PDZRN3: variants seen among roughly 807,000 people sequenced by gnomAD.
PDZRN3 encodes the protein E3 ubiquitin-protein ligase PDZRN3.
In PDZRN3, 38 loss-of-function variants were observed where a neutral mutation model predicts 85.7. The observed-to-expected ratio is 0.44, with a 90% CI of 0.34 to 0.58. PDZRN3 has a LOEUF of 0.58. Ranked by LOEUF, PDZRN3 falls within the 20% of genes least tolerant of loss-of-function variation. The pLI is 0.01. For missense variants in PDZRN3, 1,629 were observed against 1,506.4 expected (o/e 1.08, Z -1.35); for synonymous variants, 759 against 638.0 (o/e 1.19, Z -2.86).
At chr3:73,480,205 C>T (rs1361301222) in intron 3 of PDZRN3, among the ~76,000 whole-genome samples, 1 of 152,204 alleles carries the variant, frequency 6.6e-6, no homozygotes, top group African/African-American at 2.4e-5. Flanking sequence ...GCATGAAGGC[C>T]AGCCTGGCTG....
chr3:73,524,836 G>A (rs890270523), intron 3 of PDZRN3, among the ~76,000 whole-genome samples: 1 of 151,402 alleles, frequency 6.6e-6, no homozygotes, highest in Admixed American at 6.6e-5. Flanking sequence ...TGTGTCTCAG[G>A]AGGTGAAACA....
At chr3:73,512,012 T>A (rs747498112) in intron 3 of PDZRN3, among the ~76,000 whole-genome samples, 1 of 152,254 alleles carries the variant, frequency 6.6e-6, no homozygotes, top group African/African-American at 2.4e-5. Flanking sequence ...CTTGCAGAAG[T>A]TAACGCGCTC....
chr3:73,453,959 T>G (rs559836852), intron 3 of PDZRN3, among the ~76,000 whole-genome samples: 2 of 152,336 alleles, frequency 1.3e-5, no homozygotes, highest in Admixed American at 1.3e-4. Context: ...TAGCATGTTT[T>G]AAATCAACAA....
chr3:73,561,448 C>A (rs1701812548), intron 3 of PDZRN3: 1 of 152,210 alleles, frequency 6.6e-6, no homozygotes. Flanking sequence ...TTAATATACT[C>A]ACCAGGGAAA....
intron 3 of PDZRN3, among the ~76,000 whole-genome samples, chr3:73,459,150 G>A (rs967169847): frequency 1.3e-5 from 2 of 152,042 alleles, no homozygotes; most frequent in Non-Finnish European, 2.9e-5. Context: ...AAGGGAAAAT[G>A]CCAGTTGCTT....
At chr3:73,499,108 T>G (rs1269199645) in intron 3 of PDZRN3, among the ~76,000 whole-genome samples, 1 of 152,146 alleles carries the variant, frequency 6.6e-6, no homozygotes, top group Non-Finnish European at 1.5e-5. Flanking sequence ...CGGCTGGTTC[T>G]TATGCTCCGT....
At chr3:73,494,558 T>C (rs1259303017) in intron 3 of PDZRN3, among the ~76,000 whole-genome samples, 1 of 152,254 alleles carries the variant, frequency 6.6e-6, no homozygotes. Context: ...AAGAGAAATG[T>C]TCATAACTTA....
chr3:73,495,258 G>T (rs1026469575), intron 3 of PDZRN3, among the ~76,000 whole-genome samples: 2 of 151,844 alleles, frequency 1.3e-5, no homozygotes, highest in Non-Finnish European at 2.9e-5. Flanking sequence ...CTTTTTAAAA[G>T]AATTTTTAAT....
chr3:73,446,135 A>G (rs910509088), intron 3 of PDZRN3, among the ~76,000 whole-genome samples: 10 of 152,234 alleles, frequency 6.6e-5, no homozygotes, highest in Non-Finnish European at 1.5e-4. Flanking sequence ...GAAATGGGGA[A>G]CATTAACAGC....
chr3:73,414,414 G>C (rs1702035174), intron 3 of PDZRN3, among the ~76,000 whole-genome samples: 1 of 152,156 alleles, frequency 6.6e-6, no homozygotes, highest in South Asian at 2.1e-4. Context: ...ACAAAGAGTG[G>C]TTTGGCATCT....
In PDZRN3 at chr3:73,557,127, G is replaced by A. The variant is rs12489139; in HGVS notation, c.918+45227C>T. On this transcript the variant is annotated intron_variant, in intron 3 of 9. Coordinates refer to ENST00000263666, the MANE Select transcript of PDZRN3 (RefSeq NM_015009.3). ...GATCCTGCACAGAACTTGGTCAAAG[G>A]CTCTTTCCCCTTTCACCCTGTCCTC... 5.9e-4 allele frequency among the ~76,000 whole-genome samples: 90 copies of A among 152,084 alleles called. 1 individual carries two copies. The highest frequency in any genetic ancestry group is 5.0e-3 in the Admixed American group (76 of 15,276).
At chr3:73,527,730 T>C (rs1008524043) in intron 3 of PDZRN3, among the ~76,000 whole-genome samples, 6 of 152,192 alleles carry the variant, frequency 3.9e-5, no homozygotes, top group Non-Finnish European at 5.9e-5. Context: ...CTCCTAATAG[T>C]AGAAAGACTC....
At chr3:73,571,374 T>C (rs914797752) in intron 3 of PDZRN3, among the ~76,000 whole-genome samples, 3 of 152,044 alleles carry the variant, frequency 2.0e-5, no homozygotes, top group African/African-American at 7.3e-5. Context: ...CAAAAACAGA[T>C]AGCGTCAACC....
intron 3 of PDZRN3, among the ~76,000 whole-genome samples, chr3:73,511,811 C>T (rs1436094358): frequency 2.0e-5 from 3 of 152,212 alleles, no homozygotes; most frequent in Admixed American, 2.0e-4. Context: ...GGAAGTAGGG[C>T]CTTTCAGGCT....
chr3:73,422,289 G>C (rs1373985265), intron 3 of PDZRN3, among the ~76,000 whole-genome samples: 3 of 152,264 alleles, frequency 2.0e-5, no homozygotes, highest in Admixed American at 1.3e-4. Flanking sequence ...TCTTGTCTCT[G>C]CAACTTACCA....
chr3:73,569,787 G>A (rs571018536), intron 3 of PDZRN3, among the ~76,000 whole-genome samples: 223 of 152,348 alleles, frequency 1.5e-3, no homozygotes, highest in African/African-American at 4.8e-3. Context: ...GAACTCTCGA[G>A]GGGTTGAGAA....
intron 3 of PDZRN3, among the ~76,000 whole-genome samples, chr3:73,482,147 G>A (rs1703575487): frequency 6.6e-6 from 1 of 152,244 alleles, no homozygotes; most frequent in Non-Finnish European, 1.5e-5. Flanking sequence ...ACGCAGGTAT[G>A]AGATAGAAGC....
rs1039776820 is a variant in PDZRN3 at position 73,383,222 on chromosome 3, A to G, written c.*143T>C. 1.5e-6 allele frequency: 1 copy of G among 689,416 alleles called. No homozygotes were observed. Among genetic ancestry groups the G allele is most frequent in the African/African-American group, 1.8e-5 (1 of 55,960 alleles). 42.7% of individuals were successfully genotyped at this position (689,416 alleles called of 1,614,324 possible). A position where few individuals can be genotyped will look rare whatever the true frequency, so the allele number is the denominator to read the frequency against. On this transcript the variant is annotated 3_prime_UTR_variant, in exon 10 of 10. Coordinates refer to ENST00000263666, the MANE Select transcript of PDZRN3 (RefSeq NM_015009.3). The stretch of plus-strand genomic sequence containing the variant: ...CCCTTAAAATAGACCTATGACACCC[A>G]GAGTTGTAGGGTTTGCAAATTTGGA...
At chr3:73,559,036 T>C (rs1034770077) in intron 3 of PDZRN3, among the ~76,000 whole-genome samples, 1 of 152,186 alleles carries the variant, frequency 6.6e-6, no homozygotes, top group Admixed American at 6.5e-5. Flanking sequence ...ACAGTAGTGT[T>C]GAGACACAGT....
Sources: allele counts gnomAD v4.1 joint callset (sites outside exome capture counted in the v4.1 genomes callset), GRCh38; gene constraint gnomAD v4.1.1; transcripts MANE v1.5; gene names NCBI Gene and HGNC (gene_info 2026-07-23, HGNC 2026-07-21).